The following GRIA4 variants were observed in gnomAD, a reference collection of about 807,000 sequenced individuals.
GRIA4 encodes glutamate receptor 4.
Under a neutral mutation model 104.0 loss-of-function variants are expected in GRIA4, and 34 were observed. The ratio of observed to expected loss-of-function variants is 0.33; its 90% CI spans 0.25 to 0.44. The LOEUF (loss-of-function observed/expected upper bound fraction) is 0.44, where lower values mean the gene tolerates loss of function less well. GRIA4 is among the 20% of genes least tolerant of loss of function. The probability of loss-of-function intolerance (pLI) is 1.00; values close to 1 mark genes in which losing one functional copy is unlikely to be tolerated. For synonymous variants in GRIA4, 386 were observed against 381.9 expected (o/e 1.01, Z -0.13); for missense variants, 750 against 1,096.5 (o/e 0.68, Z 4.46).
At chr11:105,968,285 C>G (rs1422194467) in intron 14 of GRIA4, among the ~76,000 whole-genome samples, 1 of 152,220 alleles carries the variant, frequency 6.6e-6, no homozygotes, top group Non-Finnish European at 1.5e-5. Context: ...ACCTCTCCAG[C>G]CTTCCATTCA....
chr11:105,777,644 A>G (rs1009432637), intron 4 of GRIA4, among the ~76,000 whole-genome samples: 3 of 152,206 alleles, frequency 2.0e-5, no homozygotes, highest in Admixed American at 2.0e-4. Context: ...TTGTGGATCT[A>G]GATACCATCA....
intron 14 of GRIA4, among the ~76,000 whole-genome samples, chr11:105,941,371 C>G (rs568227240): frequency 6.6e-6 from 1 of 151,956 alleles, no homozygotes; most frequent in Non-Finnish European, 1.5e-5. Flanking sequence ...TAATATACAC[C>G]TTTAACATCA....
At chr11:105,889,461 C>A (rs1453331025) in intron 6 of GRIA4, among the ~76,000 whole-genome samples, 1 of 151,824 alleles carries the variant, frequency 6.6e-6, no homozygotes, top group Non-Finnish European at 1.5e-5. Context: ...TTCATTTATC[C>A]CTAAAGGACT....
At chr11:105,825,196 G>A (rs1160519204) in intron 4 of GRIA4, among the ~76,000 whole-genome samples, 1 of 152,016 alleles carries the variant, frequency 6.6e-6, no homozygotes, top group Non-Finnish European at 1.5e-5. Flanking sequence ...CCAAGACTAT[G>A]AGAACAGCCT....
At chr11:105,924,212 A>G (rs1465798398) in intron 11 of GRIA4, among the ~76,000 whole-genome samples, 187 bp from the exon 12 acceptor site, 2 of 152,168 alleles carry the variant, frequency 1.3e-5, no homozygotes, top group Admixed American at 1.3e-4. Flanking sequence ...TGTGCAATTT[A>G]AGTAATATCT....
At chr11:105,736,129 C>A (rs1404826271) in intron 3 of GRIA4, among the ~76,000 whole-genome samples, 1 of 152,100 alleles carries the variant, frequency 6.6e-6, no homozygotes, top group Admixed American at 6.6e-5. Flanking sequence ...ATTCAGAGTA[C>A]CCAGACACAC....
At chr11:105,965,056 C>T (rs1948831994) in intron 14 of GRIA4, among the ~76,000 whole-genome samples, 1 of 152,076 alleles carries the variant, frequency 6.6e-6, no homozygotes, top group South Asian at 2.1e-4. Context: ...ACTGACCGAC[C>T]TCCGCCTCCC....
At chr11:105,632,956 A>C (rs1387451079) in intron 3 of GRIA4, among the ~76,000 whole-genome samples, 1 of 152,162 alleles carries the variant, frequency 6.6e-6, no homozygotes, top group Non-Finnish European at 1.5e-5. Flanking sequence ...GAGGTGAGAG[A>C]AAAGGGGTCT....
chr11:105,921,907 A>C (rs1400207598), intron 11 of GRIA4, among the ~76,000 whole-genome samples: 1 of 152,134 alleles, frequency 6.6e-6, no homozygotes, highest in Non-Finnish European at 1.5e-5. Flanking sequence ...AATAAAATAC[A>C]TAATATTGAT....
chr11:105,889,896 G>T (rs1282797660), intron 6 of GRIA4, among the ~76,000 whole-genome samples: 1 of 151,986 alleles, frequency 6.6e-6, no homozygotes, highest in African/African-American at 2.4e-5. Flanking sequence ...ATTAAACCAA[G>T]AAAATATTTC....
At chr11:105,786,534 T>C (rs2135789290) in intron 4 of GRIA4, among the ~76,000 whole-genome samples, 1 of 152,306 alleles carries the variant, frequency 6.6e-6, no homozygotes, top group Non-Finnish European at 1.5e-5. Flanking sequence ...AATTTTCATG[T>C]GTTGATGTTA....
intron 5 of GRIA4, among the ~76,000 whole-genome samples, chr11:105,886,822 T>C (rs146580688): frequency 8.2e-4 from 124 of 152,054 alleles, no homozygotes; most frequent in African/African-American, 2.8e-3. Flanking sequence ...AAAAATAAAA[T>C]TGAACTTTGA....
Position 105,621,030 on chromosome 11 carries a change from G to A in GRIA4, c.247+8596G>A, listed in dbSNP as rs1192251740. On this transcript the variant is annotated intron_variant, in intron 3 of 16. Transcript: ENST00000282499. Reference sequence around the variant, plus strand: ...CAGGTGCCTCCGACTTAAGAAAACTGTTGATATTGTCAATAAAAAGTTTAA... The same window carrying A: ...CAGGTGCCTCCGACTTAAGAAAACTATTGATATTGTCAATAAAAAGTTTAA... Among the ~76,000 whole-genome samples the A allele has an allele frequency of 3.3e-5, 5 of 151,760 alleles. No individual in the cohort carries two copies. The South Asian group carries it at 1.0e-3, about 31-fold the overall frequency.
Position 105,612,310 on chromosome 11 carries a change from C to T in GRIA4, c.123C>T (p.Tyr41=), listed in dbSNP as rs1950502447. The change falls in exon 3 of 17, where the codon TAC becomes TAT. Residue 41 remains tyrosine (Y), a synonymous_variant. Coordinates refer to ENST00000282499, the MANE Select transcript of GRIA4 (RefSeq NM_000829.4). ...TCATCCGAAACACAGATCAGGAATA[C>T]ACTGCTTTTCGATTAGCAATTTTTC... The part of the protein sequence containing the change: ...GLFIRNTDQE[Y]TAFRLAIFLH... 1 of 1,614,072 alleles carries T rather than the reference C, an allele frequency of 6.2e-7. No individual in the cohort carries two copies. Among genetic ancestry groups the T allele is most frequent in the East Asian group, 2.2e-5 (1 of 44,880 alleles).
intron 3 of GRIA4, among the ~76,000 whole-genome samples, chr11:105,705,238 T>C (rs1220331713): frequency 1.3e-5 from 2 of 152,150 alleles, no homozygotes; most frequent in African/African-American, 4.8e-5. Context: ...ATCAGTTGCA[T>C]ACCTCATACT....
intron 4 of GRIA4, among the ~76,000 whole-genome samples, chr11:105,760,415 C>T (rs1940558998): frequency 6.6e-6 from 1 of 152,078 alleles, no homozygotes. Context: ...TCCTTAAATC[C>T]AACTTCTATG....
chr11:105,918,959 C>T, intron 11 of GRIA4, 41 bp downstream of exon 11: 1 of 1,158,330 alleles, frequency 8.6e-7, no homozygotes, highest in Non-Finnish European at 1.3e-6. Flanking sequence ...TTACATACAC[C>T]TGAAACTTCT....
rs76561379 is a variant in GRIA4 at position 105,866,127 on chromosome 11, T to C, written c.672+3919T>C. On this transcript the variant is annotated intron_variant, in intron 5 of 16. Transcript: ENST00000282499. ...CATTCTCTGAGAGATGGATAAGAAA[T>C]CTTTAGTTGTTTATTTTTAAAACGT... Among the ~76,000 whole-genome samples, 52 of 152,226 alleles carry C rather than the reference T, an allele frequency of 3.4e-4. No homozygotes were observed. In the East Asian group the frequency reaches 8.5e-3, roughly 25 times the overall value.
chr11:105,971,996 G>A lies in GRIA4; in HGVS notation c.2377G>A (p.Gly793Ser), dbSNP rs1344464253. ...GAAAAACAAATGGTGGTACGATAAA[G>A]GTGAATGTGGACCCAAGGACTCTGG... is the stretch of plus-strand genomic sequence containing the variant. ...KLKNKWWYDK[G>S]ECGPKDSGSK... is the part of the protein sequence containing the mutation. Residue 793 changes from glycine to serine, a missense_variant, in exon 15 of 17, where the codon GGT (glycine) becomes AGT (serine). Transcript: ENST00000282499. 2 of 1,612,756 alleles carry A rather than the reference G, an allele frequency of 1.2e-6. No homozygotes were observed. Among genetic ancestry groups the A allele is most frequent in the East Asian group, 2.2e-5 (1 of 44,846 alleles).
Sources: allele counts gnomAD v4.1 joint callset (sites outside exome capture counted in the v4.1 genomes callset), GRCh38; gene constraint gnomAD v4.1.1; transcripts MANE v1.5; gene names NCBI Gene and HGNC (gene_info 2026-07-23, HGNC 2026-07-21).